The following CCDC170 variants were observed in gnomAD, a reference collection of about 807,000 sequenced individuals.
CCDC170 encodes the protein coiled-coil domain containing 170, also known as coiled-coil domain-containing protein 170.
CCDC170 carries 69 observed loss-of-function variants against 72.6 expected under a neutral mutation model. That is an observed-to-expected ratio of 0.95 (90% confidence interval 0.78 to 1.16). The LOEUF is 1.16. Ranked by LOEUF, CCDC170 falls within the 50% of genes most tolerant of loss-of-function variation. The probability of loss-of-function intolerance (pLI) is 0.00; values close to 1 mark genes in which losing one functional copy is unlikely to be tolerated. For missense variants in CCDC170, 852 were observed against 832.5 expected (o/e 1.02, Z -0.29); for synonymous variants, 300 against 303.9 (o/e 0.99, Z 0.13).
intron 1 of CCDC170, among the ~76,000 whole-genome samples, chr6:151,502,905 C>T (rs1244873629): frequency 6.6e-6 from 1 of 152,160 alleles, no homozygotes; most frequent in African/African-American, 2.4e-5. Flanking sequence ...TGCGGTGGCT[C>T]ACGCCTGTAA....
intron 6 of CCDC170, among the ~76,000 whole-genome samples, chr6:151,579,737 G>A (rs1308901443): frequency 2.0e-5 from 3 of 152,160 alleles, no homozygotes; most frequent in African/African-American, 4.8e-5. Flanking sequence ...ACAATTCCTG[G>A]AGGGTTCTTT....
At chr6:151,524,717 T>C (rs1782374516) in intron 1 of CCDC170, among the ~76,000 whole-genome samples, 2 of 152,170 alleles carry the variant, frequency 1.3e-5, no homozygotes, top group South Asian at 4.1e-4. Context: ...GTAAGTTTGG[T>C]GAGTGTCCTT....
intron 1 of CCDC170, among the ~76,000 whole-genome samples, chr6:151,522,504 T>C (rs1298849594): frequency 6.6e-6 from 1 of 152,176 alleles, no homozygotes; most frequent in Non-Finnish European, 1.5e-5. Context: ...TGCTCTGCCC[T>C]GACTGGCGCC....
intron 5 of CCDC170, among the ~76,000 whole-genome samples, chr6:151,564,265 A>T (rs1192034357): frequency 6.6e-6 from 1 of 152,128 alleles, no homozygotes; most frequent in Non-Finnish European, 1.5e-5. Context: ...TAATTTGTTC[A>T]GCTGTAAATA....
intron 6 of CCDC170, among the ~76,000 whole-genome samples, chr6:151,580,777 T>C (rs1233741109): frequency 6.6e-6 from 1 of 151,976 alleles, no homozygotes; most frequent in Non-Finnish European, 1.5e-5. Flanking sequence ...ACCTTCCTCA[T>C]GTAGCACTTC....
rs17081437 is a variant in CCDC170 at position 151,566,269 on chromosome 6, A to G, written c.775-6905A>G. ...AGAAACCTAATCCTCCTTCTACATG[A>G]GTCTTCCAATCATTTGAATACATCT... is the stretch of plus-strand genomic sequence containing the variant. On this transcript the variant is annotated intron_variant, in intron 5 of 10. Transcript: ENST00000239374. Among the ~76,000 whole-genome samples the G allele has an allele frequency of 2.2e-3, 334 of 152,320 alleles. 6 individuals are homozygous for G. In the East Asian group the frequency reaches 0.049, roughly 22 times the overall value.
intron 5 of CCDC170, among the ~76,000 whole-genome samples, chr6:151,553,134 G>A (rs1782912211): frequency 6.6e-6 from 1 of 152,114 alleles, no homozygotes; most frequent in African/African-American, 2.4e-5. Context: ...CTGGTGAATG[G>A]TGCTTAGAAA....
rs1212846701 is a variant in CCDC170 at position 151,604,550 on chromosome 6, A to G, written c.1710+7973A>G. Among the ~76,000 whole-genome samples the G allele has an allele frequency of 3.9e-5, 6 of 152,354 alleles. No individual in the cohort carries two copies. The East Asian group carries it at 5.8e-4, about 15-fold the overall frequency. ...ACTATAGTTAACAATACTTTATTGT[A>G]TATCTTCGAATAGCTAGAAAAGAGG... On this transcript the variant is annotated intron_variant, in intron 9 of 10. Transcript: ENST00000239374.
rs115180775 is a variant in CCDC170, at chr6:151,532,243, C to G, written c.58-4075C>G. Among the ~76,000 whole-genome samples the G allele has an allele frequency of 6.9e-3, 1,055 of 152,170 alleles. 13 individuals are homozygous for G. The highest frequency in any genetic ancestry group is 0.023 in the African/African-American group (971 of 41,510). On this transcript the variant is annotated intron_variant, in intron 1 of 10. Coordinates refer to ENST00000239374, the MANE Select transcript of CCDC170 (RefSeq NM_025059.4). ...TATAGGAATAAGTAGACCCCATTTACAATATGACAAAAAGATAATATTTTT... is the reference window on the plus strand; with the variant it reads ...TATAGGAATAAGTAGACCCCATTTAGAATATGACAAAAAGATAATATTTTT...
At chr6:151,600,077 T>G (rs1230328574) in intron 9 of CCDC170, among the ~76,000 whole-genome samples, 1 of 152,212 alleles carries the variant, frequency 6.6e-6, no homozygotes, top group Non-Finnish European at 1.5e-5. Context: ...TTCCTTCCAG[T>G]GTAGAACAGA....
At chr6:151,512,152 G>GTTTTTT (rs1247040921) in intron 1 of CCDC170, among the ~76,000 whole-genome samples, 2 of 138,392 alleles carry the variant, frequency 1.4e-5, no homozygotes, top group African/African-American at 5.7e-5. Context: ...GCAGTATACC[G>GTTTTTT]TTTTTTTTTG....
chr6:151,504,702 T>C (rs115469465), intron 1 of CCDC170, among the ~76,000 whole-genome samples: 1 of 152,016 alleles, frequency 6.6e-6, no homozygotes, highest in African/African-American at 2.4e-5. Context: ...ATGCTGACCT[T>C]GATGTGCCAT....
intron 1 of CCDC170, among the ~76,000 whole-genome samples, chr6:151,500,680 G>A (rs1781981636): frequency 6.6e-6 from 1 of 152,012 alleles, no homozygotes; most frequent in African/African-American, 2.4e-5. Context: ...ATTAGTAGTG[G>A]TAAAGAGAGT....
At chr6:151,538,688 T>C (rs1471834767) in intron 3 of CCDC170, among the ~76,000 whole-genome samples, 1 of 152,166 alleles carries the variant, frequency 6.6e-6, no homozygotes, top group East Asian at 1.9e-4. Flanking sequence ...CCACTCCAGA[T>C]CACACTGAAC....
rs576446465 is a variant in CCDC170 at position 151,573,140 on chromosome 6, A to G, written c.775-34A>G. ...TGCAGGTGTACCCTGTTGACTTCTA[A>G]TGGTATTGTCTTCACTTTCTGTAAT... is the stretch of plus-strand genomic sequence containing the variant. On this transcript the variant is annotated intron_variant, in intron 5 of 10. Coordinates refer to ENST00000239374, the MANE Select transcript of CCDC170 (RefSeq NM_025059.4). 1.3e-5 allele frequency: 20 copies of G among 1,573,892 alleles called. No homozygotes were observed. In the East Asian group the frequency reaches 2.7e-4, roughly 21 times the overall value.
At chr6:151,585,302 C>T (rs569573338) in intron 6 of CCDC170, among the ~76,000 whole-genome samples, 17 of 152,272 alleles carry the variant, frequency 1.1e-4, no homozygotes, top group Middle Eastern at 3.4e-3. Flanking sequence ...GAGATGTTGA[C>T]CTCTCCAATG....
At chr6:151,552,668 C>A (rs1178441323) in intron 5 of CCDC170, among the ~76,000 whole-genome samples, 2 of 151,838 alleles carry the variant, frequency 1.3e-5, no homozygotes, top group African/African-American at 4.8e-5. Context: ...GACCTTGTAG[C>A]ATGAGTCCTT....
intron 5 of CCDC170, among the ~76,000 whole-genome samples, chr6:151,572,498 C>T (rs1776232123): frequency 6.6e-6 from 1 of 152,064 alleles, no homozygotes. Context: ...GTTCTATAAA[C>T]ATATTCTACA....
intron 5 of CCDC170, among the ~76,000 whole-genome samples, chr6:151,572,368 A>G (rs1776230218): frequency 6.6e-6 from 1 of 152,196 alleles, no homozygotes; most frequent in Non-Finnish European, 1.5e-5. Flanking sequence ...TTCCTCTATT[A>G]TTCAAAATAG....
Sources: gnomAD v4.1 joint callset for allele counts (sites outside exome capture counted in the v4.1 genomes callset) on GRCh38, gnomAD v4.1.1 for gene constraint, MANE v1.5 for transcripts, NCBI Gene and HGNC (gene_info 2026-07-23, HGNC 2026-07-21) for gene names.